The following PPM1L variants were observed in gnomAD, a reference collection of about 807,000 sequenced individuals.
PPM1L encodes protein phosphatase 1L.
A neutral mutation model predicts 31.4 loss-of-function variants in PPM1L; 13 were observed. That is an observed-to-expected ratio of 0.41 (90% confidence interval 0.27 to 0.66). The LOEUF is 0.66. Among genes scored for constraint, PPM1L ranks in the 30% least tolerant of loss-of-function variants. The pLI, the probability that PPM1L is intolerant of heterozygous loss-of-function variation, is 0.29. For missense variants in PPM1L, 326 were observed against 453.7 expected, an observed-to-expected ratio of 0.72 and a Z score of 2.56; for synonymous variants, 184 against 175.4, an observed-to-expected ratio of 1.05 and a Z score of -0.39.
chr3:161,012,331 C>G (rs955556009), intron 2 of PPM1L, among the ~76,000 whole-genome samples: 4 of 152,046 alleles, frequency 2.6e-5, no homozygotes, highest in African/African-American at 7.3e-5. Flanking sequence ...TATTGATTTG[C>G]GTATGTTGAA....
rs189440443 is a variant in PPM1L, at chr3:160,994,508, T to C, written c.574+32598T>C. Among the ~76,000 whole-genome samples, 235 of 152,326 alleles carry C rather than the reference T, an allele frequency of 1.5e-3. 1 individual carries two copies. The highest frequency in any genetic ancestry group is 5.4e-3 in the African/African-American group (225 of 41,572). ...GTGTTCCATGGGACAGCCTGGGGGC[T>C]CAACTGTTCCTCATAGAAATCTCCA... On this transcript the variant is annotated intron_variant, in intron 2 of 3. Transcript: ENST00000498165.
intron 2 of PPM1L, among the ~76,000 whole-genome samples, chr3:161,009,969 TA>T: frequency 6.6e-6 from 1 of 152,172 alleles, no homozygotes; most frequent in South Asian, 2.1e-4. Context: ...AACTCCAAAT[TA>T]TAAAATATCC....
At chr3:160,969,048 C>T (rs1716241275) in intron 2 of PPM1L, among the ~76,000 whole-genome samples, 1 of 152,190 alleles carries the variant, frequency 6.6e-6, no homozygotes, top group Non-Finnish European at 1.5e-5. Flanking sequence ...CTGGCTGTTT[C>T]TTGTGTTCCT....
chr3:160,996,107 A>C (rs139410148), intron 2 of PPM1L, among the ~76,000 whole-genome samples: 2 of 152,306 alleles, frequency 1.3e-5, no homozygotes, highest in Admixed American at 1.3e-4. Context: ...TTACTCCTGC[A>C]AGAATGGCCA....
At chr3:160,847,060 C>A (rs944145360) in intron 1 of PPM1L, among the ~76,000 whole-genome samples, 2 of 152,118 alleles carry the variant, frequency 1.3e-5, no homozygotes, top group Non-Finnish European at 2.9e-5. Flanking sequence ...ATCCAGAACT[C>A]TGAATCTGGT....
chr3:160,813,756 C>T (rs1560114359), intron 1 of PPM1L, among the ~76,000 whole-genome samples: 1 of 152,216 alleles, frequency 6.6e-6, no homozygotes, highest in African/African-American at 2.4e-5. Flanking sequence ...TGGTTTCATG[C>T]ATGCATTTAA....
chr3:161,042,152 G>C (rs1417342637), intron 2 of PPM1L, among the ~76,000 whole-genome samples: 2 of 152,158 alleles, frequency 1.3e-5, no homozygotes, highest in Non-Finnish European at 2.9e-5. Context: ...GCTGGTTTCT[G>C]TGGTTGGTTC....
At chr3:160,928,676 G>C (rs186539125) in intron 1 of PPM1L, among the ~76,000 whole-genome samples, 347 of 152,224 alleles carry the variant, frequency 2.3e-3, no homozygotes, top group African/African-American at 8.2e-3. Flanking sequence ...AGTCACCAGG[G>C]CAGAGCCCTC....
intron 1 of PPM1L, among the ~76,000 whole-genome samples, chr3:160,850,529 G>A (rs1449408337): frequency 6.6e-6 from 1 of 152,134 alleles, no homozygotes; most frequent in Non-Finnish European, 1.5e-5. Flanking sequence ...TTTGGGGGTT[G>A]AGGCTGAAAT....
At chr3:160,787,095 T>G (rs1711957927) in intron 1 of PPM1L, among the ~76,000 whole-genome samples, 2 of 152,192 alleles carry the variant, frequency 1.3e-5, no homozygotes, top group Admixed American at 1.3e-4. Context: ...GGTAGAACAA[T>G]TTATATTCCT....
At chr3:161,040,914 G>A (rs1454418032) in intron 2 of PPM1L, among the ~76,000 whole-genome samples, 1 of 152,164 alleles carries the variant, frequency 6.6e-6, no homozygotes, top group Non-Finnish European at 1.5e-5. Flanking sequence ...CTGCAAAGCT[G>A]TCCTTTGTGG....
chr3:160,866,817 T>C (rs1712104809), intron 1 of PPM1L, among the ~76,000 whole-genome samples: 1 of 152,200 alleles, frequency 6.6e-6, no homozygotes, highest in South Asian at 2.1e-4. Flanking sequence ...ATCTTTGGAC[T>C]CAGTAGATTT....
At chr3:160,866,040 A>G (rs1289249024) in intron 1 of PPM1L, among the ~76,000 whole-genome samples, 2 of 152,208 alleles carry the variant, frequency 1.3e-5, no homozygotes, top group South Asian at 2.1e-4. Flanking sequence ...AACCAAGTTG[A>G]CAACTGACCT....
chr3:160,761,289 C>G (rs544996851), intron 1 of PPM1L, among the ~76,000 whole-genome samples: 3 of 152,296 alleles, frequency 2.0e-5, no homozygotes, highest in African/African-American at 7.2e-5. Context: ...GCTTGGCCCT[C>G]CTGCTTTCCT....
intron 2 of PPM1L, among the ~76,000 whole-genome samples, chr3:161,053,807 T>C (rs1465351904): frequency 6.6e-6 from 1 of 152,204 alleles, no homozygotes; most frequent in African/African-American, 2.4e-5. Context: ...TATACCTAAA[T>C]CTAGAATTAA....
At chr3:161,035,557 A>C (rs922711445) in intron 2 of PPM1L, among the ~76,000 whole-genome samples, 6 of 152,224 alleles carry the variant, frequency 3.9e-5, no homozygotes, top group African/African-American at 9.6e-5. Flanking sequence ...AGAATGACTA[A>C]AAAGAATAGG....
In PPM1L at chr3:160,990,213, G is replaced by A. The variant is rs115207560; in HGVS notation, c.574+28303G>A. 8.7e-3 allele frequency among the ~76,000 whole-genome samples: 1,323 copies of A among 151,592 alleles called. 28 individuals are homozygous for A. The highest frequency in any genetic ancestry group is 0.03 in the African/African-American group (1,228 of 41,342). On this transcript the variant is annotated intron_variant, in intron 2 of 3. Coordinates refer to ENST00000498165, the MANE Select transcript of PPM1L (RefSeq NM_139245.4). ...ACAGGAGTCTCATCACATTGCCCAG[G>A]CTGGTCTCAAACTCCTGGGCGCAAA...
At chr3:161,043,790 T>A (rs1718976923) in intron 2 of PPM1L, among the ~76,000 whole-genome samples, 1 of 152,176 alleles carries the variant, frequency 6.6e-6, no homozygotes, top group Admixed American at 6.5e-5. Context: ...GCGTTCTAAA[T>A]ACCCTAAGAG....
At chr3:161,048,047 A>C (rs1719140326) in intron 2 of PPM1L, among the ~76,000 whole-genome samples, 2 of 152,240 alleles carry the variant, frequency 1.3e-5, no homozygotes, top group Non-Finnish European at 2.9e-5. Context: ...CATGACTAAA[A>C]CACCAAATGC....
Sources: gnomAD v4.1 joint callset for allele counts (sites outside exome capture counted in the v4.1 genomes callset) on GRCh38, gnomAD v4.1.1 for gene constraint, MANE v1.5 for transcripts, NCBI Gene and HGNC (gene_info 2026-07-23, HGNC 2026-07-21) for gene names.